CDK19: variants seen among roughly 807,000 people sequenced by gnomAD.
CDK19 encodes the protein cyclin-dependent kinase 19.
In CDK19, 20 loss-of-function variants were observed where a neutral mutation model predicts 68.3. The ratio of observed to expected loss-of-function variants is 0.29; its 90% confidence interval spans 0.21 to 0.43. The LOEUF is 0.43. Among genes scored for constraint, CDK19 ranks in the 20% least tolerant of loss-of-function variants. CDK19 has a pLI of 1.00. For missense variants in CDK19, 339 were observed against 623.5 expected, an observed-to-expected ratio of 0.54 and a Z score of 4.86; for synonymous variants, 221 against 222.8, an observed-to-expected ratio of 0.99 and a Z score of 0.07.
chr6:110,754,033 CTT>C (rs751347932), intron 1 of CDK19, among the ~76,000 whole-genome samples: 47 of 138,616 alleles, frequency 3.4e-4, no homozygotes, highest in Non-Finnish European at 4.7e-4. Context: ...TTGGCAAATT[CTT>C]TTTTTTTTTT....
chr6:110,717,842 C>T (rs563729602), intron 2 of CDK19, among the ~76,000 whole-genome samples: 1 of 152,324 alleles, frequency 6.6e-6, no homozygotes, highest in Admixed American at 6.5e-5. Context: ...GCTGGGATTA[C>T]AGGCATGTAC....
intron 1 of CDK19, among the ~76,000 whole-genome samples, chr6:110,798,628 G>GAAACAAA (rs1782118342): frequency 1.8e-5 from 1 of 56,744 alleles, no homozygotes; most frequent in African/African-American, 5.7e-5. Context: ...TCTGTCTCCA[G>GAAACAAA]AAAAAAAAAA....
intron 2 of CDK19, among the ~76,000 whole-genome samples, chr6:110,743,421 C>G (rs1317734443): frequency 2.0e-5 from 3 of 151,620 alleles, no homozygotes; most frequent in Non-Finnish European, 4.4e-5. Flanking sequence ...GCGGGTGGAT[C>G]ACTTGAGGTC....
At chr6:110,617,522 G>A (rs563910304) in intron 12 of CDK19, among the ~76,000 whole-genome samples, 2 of 152,036 alleles carry the variant, frequency 1.3e-5, no homozygotes, top group African/African-American at 4.8e-5. Flanking sequence ...AGTGGCTCAC[G>A]CCTGTAGTCC....
At chr6:110,684,300 T>C (rs1772263265) in intron 2 of CDK19, among the ~76,000 whole-genome samples, 1 of 152,020 alleles carries the variant, frequency 6.6e-6, no homozygotes, top group Non-Finnish European at 1.5e-5. Flanking sequence ...TTATTTATTT[T>C]TGTTGTTGTT....
intron 1 of CDK19, among the ~76,000 whole-genome samples, chr6:110,794,815 C>T (rs1392297100): frequency 6.6e-6 from 1 of 151,582 alleles, no homozygotes; most frequent in Non-Finnish European, 1.5e-5. Flanking sequence ...AAAAAAAAAT[C>T]ACCCATTCTT....
At chr6:110,723,153 A>AC (rs1017098226) in intron 2 of CDK19, among the ~76,000 whole-genome samples, 9 of 149,822 alleles carry the variant, frequency 6.0e-5, no homozygotes, top group African/African-American at 2.2e-4. Flanking sequence ...ACAAAAAACA[A>AC]AAAAAAAAAC....
chr6:110,761,610 T>A (rs2114954201), intron 1 of CDK19, among the ~76,000 whole-genome samples: 1 of 151,446 alleles, frequency 6.6e-6, no homozygotes, highest in South Asian at 2.1e-4. Context: ...ACACATATAG[T>A]TTAGACAGGA....
At chr6:110,615,293 A>G (rs761817974) in intron 12 of CDK19, among the ~76,000 whole-genome samples, 68 of 152,220 alleles carry the variant, frequency 4.5e-4, no homozygotes, top group Non-Finnish European at 9.3e-4. Context: ...AGACAGAAAA[A>G]TGCATTTCAA....
chr6:110,621,419 GCTTT>G lies in CDK19; in HGVS notation c.1111-53_1111-50del, dbSNP rs750724270. ...TTGGTATGAAACCAAATTAACAGGA[GCTTT>G]CTTTAATTATTTGATATGCACATGT... On this transcript the variant is annotated intron_variant, in intron 11 of 12. Coordinates refer to ENST00000368911, the MANE Select transcript of CDK19 (RefSeq NM_015076.5). The surrounding 1 kb of genome is among the most constrained non-coding windows in gnomAD (Gnocchi z 5.4). 13 of 1,511,714 alleles carry G rather than the reference GCTTT, an allele frequency of 8.6e-6. No homozygotes were observed. In the South Asian group the frequency reaches 1.6e-4, roughly 19 times the overall value. 93.6% of individuals were successfully genotyped at this position (1,511,714 alleles called of 1,614,324 possible).
rs532070733 is a variant in CDK19 at position 110,669,923 on chromosome 6, C to T, written c.315+508G>A. Among the ~76,000 whole-genome samples, 3 of 151,850 alleles carry T rather than the reference C, an allele frequency of 2.0e-5. No individual in the cohort carries two copies. The East Asian group carries it at 5.8e-4, about 29-fold the overall frequency. On this transcript the variant is annotated intron_variant, in intron 3 of 12. Transcript: ENST00000368911. ...CTGTAATTCCAGCACTTTGGGAGGC[C>T]GAGGTGAGCAGATTACCTGAGGTTG... is the stretch of plus-strand genomic sequence containing the variant.
Position 110,801,739 on chromosome 6 carries a change from C to T in CDK19, c.128+13270G>A, listed in dbSNP as rs1782360432. On this transcript the variant is annotated intron_variant, in intron 1 of 12. Coordinates refer to ENST00000368911, the MANE Select transcript of CDK19 (RefSeq NM_015076.5). Reference sequence around the variant, plus strand: ...TGTTAGCCAGGATGGTCTCGATCTCCTGACCTCGTGATCCACCTGCCTTGG... The same window carrying T: ...TGTTAGCCAGGATGGTCTCGATCTCTTGACCTCGTGATCCACCTGCCTTGG... 3.3e-5 allele frequency among the ~76,000 whole-genome samples: 5 copies of T among 152,186 alleles called. No individual in the cohort carries two copies. In the South Asian group the frequency reaches 8.3e-4, roughly 25 times the overall value.
At position 110,633,088 on chromosome 6, in the gene CDK19, G is replaced by A. The variant is rs866921105; in HGVS notation, c.515-927C>T. Among the ~76,000 whole-genome samples, 9 of 152,026 alleles carry A rather than the reference G, an allele frequency of 5.9e-5. No individual in the cohort carries two copies. The South Asian group carries it at 1.0e-3, about 18-fold the overall frequency. On this transcript the variant is annotated intron_variant, in intron 5 of 12. Coordinates refer to ENST00000368911, the MANE Select transcript of CDK19 (RefSeq NM_015076.5). ...ACAAAAATTAGCTGGGCGTGGTGGC[G>A]CGCACCTGTAGTCCCAGCCACTACG...
intron 1 of CDK19, among the ~76,000 whole-genome samples, chr6:110,801,154 A>G (rs1474901621): frequency 1.3e-5 from 2 of 152,062 alleles, no homozygotes; most frequent in African/African-American, 4.8e-5. Context: ...TACACCAATA[A>G]CATTCAAGCT....
intron 5 of CDK19, 151 bp downstream of exon 5, chr6:110,638,498 G>T: frequency 1.8e-6 from 1 of 565,652 alleles, no homozygotes; most frequent in Non-Finnish European, 3.1e-6. Context: ...GAGTTTTGTA[G>T]ACTATCTATC....
intron 2 of CDK19, among the ~76,000 whole-genome samples, chr6:110,736,014 C>G (rs1190643947): frequency 2.6e-5 from 4 of 152,184 alleles, no homozygotes; most frequent in African/African-American, 9.6e-5. Context: ...GCCAGCCTTA[C>G]TAGCAAATCA....
chr6:110,648,789 C>T (rs1278279706), intron 4 of CDK19, among the ~76,000 whole-genome samples: 1 of 152,032 alleles, frequency 6.6e-6, no homozygotes, highest in Non-Finnish European at 1.5e-5. Flanking sequence ...GCGATCTCGG[C>T]TCACTGCAAG....
intron 2 of CDK19, among the ~76,000 whole-genome samples, chr6:110,718,381 AG>A (rs1436680899): frequency 6.6e-6 from 1 of 152,184 alleles, no homozygotes; most frequent in Non-Finnish European, 1.5e-5. Context: ...CCAGAGCCCT[AG>A]GAAGAGCTAC....
At chr6:110,789,040 A>C (rs1275467969) in intron 1 of CDK19, among the ~76,000 whole-genome samples, 3 of 152,320 alleles carry the variant, frequency 2.0e-5, no homozygotes, top group Middle Eastern at 3.4e-3. Flanking sequence ...CAAATTGCTT[A>C]TGTGGAGATG....
Sources: allele counts gnomAD v4.1 joint callset (sites outside exome capture counted in the v4.1 genomes callset), GRCh38; gene constraint gnomAD v4.1.1; non-coding constraint Gnocchi (gnomAD v3.1); transcripts MANE v1.5; gene names NCBI Gene and HGNC (gene_info 2026-07-23, HGNC 2026-07-21).